The following ZC3H11A variants were observed in gnomAD, a reference collection of about 807,000 sequenced individuals.
The protein encoded by ZC3H11A is zinc finger CCCH domain-containing protein 11A.
Under a neutral mutation model 90.8 loss-of-function variants are expected in ZC3H11A, and 22 were observed. The observed-to-expected ratio is 0.24, with a 90% confidence interval of 0.17 to 0.35. ZC3H11A has a LOEUF of 0.35. ZC3H11A is among the 10% of genes least tolerant of loss of function. The pLI is 1.00. For synonymous variants in ZC3H11A, 294 were observed against 339.8 expected, an observed-to-expected ratio of 0.87 and a Z score of 1.48; for missense variants, 701 against 964.9, an observed-to-expected ratio of 0.73 and a Z score of 3.62.
chr1:203,850,230 A>G (rs1688941741), intron 15 of ZC3H11A: 15 of 666,138 alleles, frequency 2.3e-5, no homozygotes, highest in Non-Finnish European at 3.6e-5. Context: ...CTATTTAAAA[A>G]GCTTTGTGTA....
Position 203,850,495 on chromosome 1 carries a change from A to G in ZC3H11A, c.1940-20A>G, listed in dbSNP as rs753157704. ...AGAGTCTATTCTCACTGCTTATCAG[A>G]TATTTTCTGCCCTTTGTAGCTAAAC... is the stretch of plus-strand genomic sequence containing the variant. On this transcript the variant is annotated intron_variant, in intron 15 of 17. Coordinates refer to ENST00000367210, the MANE Select transcript of ZC3H11A (RefSeq NM_001376342.1). 17 of 1,613,790 alleles carry G rather than the reference A, an allele frequency of 1.1e-5. No individual in the cohort carries two copies. Among genetic ancestry groups the G allele is most frequent in the African/African-American group, 2.7e-5 (2 of 74,918 alleles).
At chr1:203,817,443 T>C (rs1219170271) in intron 3 of ZC3H11A, among the ~76,000 whole-genome samples, 1 of 149,982 alleles carries the variant, frequency 6.7e-6, no homozygotes, top group Admixed American at 6.6e-5. Flanking sequence ...TTACTAACTT[T>C]GATTTTATAT....
At chr1:203,832,868 A>G (rs574807829) in intron 9 of ZC3H11A, among the ~76,000 whole-genome samples, 3 of 152,366 alleles carry the variant, frequency 2.0e-5, no homozygotes, top group African/African-American at 7.2e-5. Context: ...CATAAGCAAA[A>G]GGATAGTTTC....
intron 2 of ZC3H11A, among the ~76,000 whole-genome samples, chr1:203,812,304 T>C (rs2102669871): frequency 6.6e-6 from 1 of 152,268 alleles, no homozygotes; most frequent in Admixed American, 6.5e-5. Flanking sequence ...GGCTCCAGTG[T>C]TTGTTGTTCC....
chr1:203,826,157 C>A (rs1420097702), intron 4 of ZC3H11A, among the ~76,000 whole-genome samples: 1 of 152,122 alleles, frequency 6.6e-6, no homozygotes, highest in East Asian at 1.9e-4. Flanking sequence ...GTAGCTATTA[C>A]ATCTACCTTT....
At chr1:203,840,010 G>A (rs929979401) in intron 11 of ZC3H11A, among the ~76,000 whole-genome samples, 1 of 151,950 alleles carries the variant, frequency 6.6e-6, no homozygotes, top group Non-Finnish European at 1.5e-5. Context: ...CACCATGTTG[G>A]CCAGGCTGGT....
intron 12 of ZC3H11A, among the ~76,000 whole-genome samples, chr1:203,845,648 G>C (rs1687682023): frequency 6.6e-6 from 1 of 151,884 alleles, no homozygotes; most frequent in African/African-American, 2.4e-5. Flanking sequence ...TAAATCTCTT[G>C]AGACCAGGAG....
At chr1:203,821,039 C>T (rs1392561020) in intron 4 of ZC3H11A, among the ~76,000 whole-genome samples, 2 of 152,138 alleles carry the variant, frequency 1.3e-5, no homozygotes, top group Non-Finnish European at 2.9e-5. Context: ...TGTATCCTCA[C>T]CTGAATCTCA....
rs1383834308 is a variant in ZC3H11A, at chr1:203,802,206, T to C, written c.-956T>C. ...AACACTCCCTGATGACGATGATGGA[T>C]ATATATACATACATCCATATTATAC... On this transcript the variant is annotated 5_prime_UTR_variant, in exon 2 of 18. Coordinates refer to ENST00000367210, the MANE Select transcript of ZC3H11A (RefSeq NM_001376342.1). 6.6e-6 allele frequency: 1 copy of C among 152,632 alleles called. No homozygotes were observed. The highest frequency in any genetic ancestry group is 6.5e-5 in the Admixed American group (1 of 15,280). 9.5% of individuals were successfully genotyped at this position (152,632 alleles called of 1,614,324 possible).
At position 203,801,869 on chromosome 1, in the gene ZC3H11A, A is replaced by G. The variant is rs556669771; in HGVS notation, c.-1293A>G. ...GGTAAATATGCCATTGTGAAATGAA[A>G]TCTCAACTCCAAAAGTTTACCCTTT... is the stretch of plus-strand genomic sequence containing the variant. On this transcript the variant is annotated 5_prime_UTR_variant, in exon 2 of 18. Coordinates refer to ENST00000367210, the MANE Select transcript of ZC3H11A (RefSeq NM_001376342.1). 15 of 149,842 alleles carry G rather than the reference A, an allele frequency of 1.0e-4. No individual in the cohort carries two copies. The South Asian group carries it at 2.9e-3, about 29-fold the overall frequency. 9.3% of individuals were successfully genotyped at this position (149,842 alleles called of 1,614,324 possible). A position where few individuals can be genotyped will look rare whatever the true frequency, so the allele number is the denominator to read the frequency against.
chr1:203,852,233 G>A lies in ZC3H11A; in HGVS notation c.2267G>A (p.Arg756Gln), dbSNP rs774268525. The change falls in exon 18 of 18, where the codon CGA becomes CAA. Residue 756 changes from arginine (R) to glutamine (Q), a missense_variant. Arg to Gln is a conservative substitution (Grantham distance 43). This residue lies in a region of ZC3H11A where 91 missense variants were observed against 86.8 expected (regional missense o/e 1.05). Transcript: ENST00000367210. The stretch of plus-strand genomic sequence containing the variant: ...TCCCAAATGAGCATGAAAACTCGCC[G>A]ACTCAGCTCTGCCTCAACAGGAAAG... Reference protein sequence around the residue: ...SSSQMSMKTRRLSSASTGKPP... With the variant: ...SSSQMSMKTRQLSSASTGKPP... 7.4e-6 allele frequency: 12 copies of A among 1,613,316 alleles called. No individual in the cohort carries two copies. Among genetic ancestry groups the A allele is most frequent in the South Asian group, 4.4e-5 (4 of 91,044 alleles).
chr1:203,833,707 C>G (rs1683258722), intron 9 of ZC3H11A, 84 bp from the exon 10 acceptor site: 2 of 989,676 alleles, frequency 2.0e-6, no homozygotes, highest in African/African-American at 1.8e-5. Flanking sequence ...ACACTAATAT[C>G]AGAACATACT....
chr1:203,849,567 C>T, intron 14 of ZC3H11A, 144 bp from the exon 15 acceptor site: 1 of 790,510 alleles, frequency 1.3e-6, no homozygotes, highest in Non-Finnish European at 2.1e-6. Flanking sequence ...AGGGTATTGT[C>T]TATTTAACAT....
chr1:203,821,048 C>T (rs1678489694), intron 4 of ZC3H11A, among the ~76,000 whole-genome samples: 1 of 152,138 alleles, frequency 6.6e-6, no homozygotes, highest in Admixed American at 6.5e-5. Flanking sequence ...ACCTGAATCT[C>T]ACCTCTATCG....
chr1:203,842,641 T>A (rs12750715), intron 12 of ZC3H11A, among the ~76,000 whole-genome samples: 14,741 of 147,164 alleles, frequency 0.1, 1,038 homozygotes, highest in Non-Finnish European at 0.14. Flanking sequence ...TTTTTTTTTT[T>A]AAGTTTATTT....
intron 4 of ZC3H11A, among the ~76,000 whole-genome samples, chr1:203,819,119 C>CACGTGTATATATACATATGTATATGT (rs1558111100): frequency 2.1e-5 from 3 of 140,994 alleles, no homozygotes; most frequent in Non-Finnish European, 4.6e-5. Flanking sequence ...CACACACACA[C>CACGTGTATATATACATATGTATATGT]GTGTATATAT....
intron 2 of ZC3H11A, among the ~76,000 whole-genome samples, chr1:203,814,391 G>T (rs1371623956): frequency 6.6e-6 from 1 of 152,186 alleles, no homozygotes; most frequent in Non-Finnish European, 1.5e-5. Flanking sequence ...ATATGTGGTG[G>T]TGCAAGCCTG....
chr1:203,823,512 T>G lies in ZC3H11A; in HGVS notation c.175-4787T>G, dbSNP rs545217209. Among the ~76,000 whole-genome samples, 4 of 152,346 alleles carry G rather than the reference T, an allele frequency of 2.6e-5. No individual in the cohort carries two copies. In the South Asian group the frequency reaches 8.3e-4, roughly 32 times the overall value. On this transcript the variant is annotated intron_variant, in intron 4 of 17. Coordinates refer to ENST00000367210, the MANE Select transcript of ZC3H11A (RefSeq NM_001376342.1). ...GATGTTCAGCATTAACCATATTGTTTGTACAAACAGTCTAGGCATACTGAG... is the reference window on the plus strand; with the variant it reads ...GATGTTCAGCATTAACCATATTGTTGGTACAAACAGTCTAGGCATACTGAG...
chr1:203,852,182 C>T lies in ZC3H11A; in HGVS notation c.2216C>T (p.Pro739Leu), dbSNP rs1689476001. The T allele has an allele frequency of 6.2e-7, 1 of 1,613,604 alleles. No individual in the cohort carries two copies. Among genetic ancestry groups the T allele is most frequent in the Non-Finnish European group, 8.5e-7 (1 of 1,179,816 alleles). ...ACCCAGTCCTCTTCAGATTCCTCAC[C>T]CCCGGAGGTGTCTGGCCCTTCCTCA... ...PPTQSSSDSS[P>L]PEVSGPSSSQ... is the part of the protein sequence containing the mutation. The change falls in exon 18 of 18, where the codon CCC becomes CTC. Residue 739 changes from proline (P) to leucine (L), a missense_variant. Transcript: ENST00000367210.
Sources: allele counts gnomAD v4.1 joint callset (sites outside exome capture counted in the v4.1 genomes callset), GRCh38; gene constraint gnomAD v4.1.1; regional missense constraint gnomAD v4.1.1; transcripts MANE v1.5; gene names NCBI Gene and HGNC (gene_info 2026-07-23, HGNC 2026-07-21).